RAB33A: variants seen among roughly 807,000 people sequenced by gnomAD.
RAB33A encodes the protein RAB33A, member RAS oncogene family.
A neutral mutation model predicts 12.0 loss-of-function variants in RAB33A; 6 were observed. The observed-to-expected ratio is 0.50, with a 90% CI of 0.27 to 0.99. The LOEUF (loss-of-function observed/expected upper bound fraction) is 0.99, where lower values mean the gene tolerates loss of function less well. Among genes scored for constraint, RAB33A ranks in the 50% least tolerant of loss-of-function variants. The probability of loss-of-function intolerance (pLI) is 0.11; values close to 1 mark genes in which losing one functional copy is unlikely to be tolerated. For missense variants in RAB33A, 109 were observed against 192.0 expected (o/e 0.57, Z 2.55); for synonymous variants, 70 against 82.4 (o/e 0.85, Z 0.81).
the RAB33A span, among the ~76,000 whole-genome samples, chrX:130,139,273 A>G: frequency 0.48 from 51,312 of 107,617 alleles, 9,675 homozygotes; most frequent in African/African-American, 0.65. Context: ...CGGAGGTTGC[A>G]GTGAGCCAAG....
chrX:130,132,778 GCT>G, the RAB33A span, among the ~76,000 whole-genome samples: 80 of 91,320 alleles, frequency 8.8e-4, no homozygotes, highest in Non-Finnish European at 1.3e-3. Context: ...ACGGAGTCTC[GCT>G]CTGTCACCCA....
chrX:130,157,964 A>G, the RAB33A span, among the ~76,000 whole-genome samples: 1 of 103,834 alleles, frequency 9.6e-6, no homozygotes, highest in Non-Finnish European at 2.0e-5. Context: ...AAAAAAAAAA[A>G]AAAAGAAAAG....
the RAB33A span, among the ~76,000 whole-genome samples, chrX:130,159,620 TTTC>T: frequency 1.8e-5 from 2 of 110,751 alleles, no homozygotes; most frequent in Non-Finnish European, 3.8e-5. Context: ...TGTTTTTGTT[TTTC>T]TTTTTTTTAA....
At chrX:130,125,427 A>C in the RAB33A span, among the ~76,000 whole-genome samples, 2 of 111,165 alleles carry the variant, frequency 1.8e-5, no homozygotes, top group African/African-American at 6.6e-5. Flanking sequence ...GCCCGCCAGG[A>C]ATTCCCTGAT....
the RAB33A span, among the ~76,000 whole-genome samples, chrX:130,142,922 C>T: frequency 8.9e-6 from 1 of 111,970 alleles, no homozygotes. Flanking sequence ...ATCTGAACCG[C>T]CAAATCTCAC....
the RAB33A span, chrX:130,137,354 A>G: frequency 8.6e-7 from 1 of 1,156,359 alleles, no homozygotes; most frequent in Non-Finnish European, 1.2e-6. Context: ...TCGGTGCTCA[A>G]GTTCATTTGT....
the RAB33A span, among the ~76,000 whole-genome samples, chrX:130,148,326 G>A: frequency 1.8e-5 from 2 of 111,244 alleles, no homozygotes; most frequent in South Asian, 7.6e-4. Context: ...GAATAAGGGG[G>A]TGCTTTTGAA....
At chrX:130,127,036 GGTGTGT>G in the RAB33A span, among the ~76,000 whole-genome samples, 5 of 106,016 alleles carry the variant, frequency 4.7e-5, no homozygotes, top group Non-Finnish European at 7.8e-5. Context: ...CAATAAACCA[GGTGTGT>G]GTGTGTGTGT....
the RAB33A span, among the ~76,000 whole-genome samples, chrX:130,117,087 T>A: frequency 2.1e-3 from 235 of 111,343 alleles, 1 homozygote; most frequent in Non-Finnish European, 3.3e-3. Context: ...GGTGGCGGGC[T>A]CCTGTAGTCC....
the RAB33A span, chrX:130,139,909 G>A: frequency 9.1e-7 from 1 of 1,103,723 alleles, no homozygotes; most frequent in East Asian, 3.0e-5. Flanking sequence ...AGCCCAACAA[G>A]CAGGAGCCAG....
chrX:130,149,046 C>T, the RAB33A span, among the ~76,000 whole-genome samples: 162 of 105,246 alleles, frequency 1.5e-3, no homozygotes, highest in African/African-American at 5.3e-3. Context: ...CTCAGCCTCC[C>T]GAGCACCAGG....
the RAB33A span, chrX:130,155,240 A>AGATGCTAGTGATCTAGAAGGG: frequency 1.7e-6 from 2 of 1,210,478 alleles, no homozygotes; most frequent in Non-Finnish European, 2.2e-6. Context: ...AAGCACCTGT[A>AGATGCTAGTGATCTAGAAGGG]GATGCTAGTG....
At chrX:130,121,495 C>T in the RAB33A span, among the ~76,000 whole-genome samples, 1,094 of 111,189 alleles carry the variant, frequency 9.8e-3, 10 homozygotes, top group Non-Finnish European at 0.017. Flanking sequence ...AGGTGATCCG[C>T]CCGCCTCAGC....
At chrX:130,116,970 T>G in the RAB33A span, among the ~76,000 whole-genome samples, 1 of 112,050 alleles carries the variant, frequency 8.9e-6, no homozygotes, top group Admixed American at 9.4e-5. Flanking sequence ...TCCCAGCACT[T>G]TGGGAGGCCA....
chrX:130,174,132 C>G (rs764449979), intron 1 of RAB33A, among the ~76,000 whole-genome samples: 1 of 112,306 alleles, frequency 8.9e-6, no homozygotes, highest in South Asian at 3.6e-4. Flanking sequence ...TCTAACACCC[C>G]AGTACTTAGC....
At chrX:130,120,884 G>C in the RAB33A span, among the ~76,000 whole-genome samples, 1 of 113,311 alleles carries the variant, frequency 8.8e-6, no homozygotes, top group Non-Finnish European at 1.9e-5. Context: ...ACCTGCACGC[G>C]GAACGCGGCG....
the RAB33A span, among the ~76,000 whole-genome samples, chrX:130,158,063 G>A: frequency 9.1e-6 from 1 of 110,102 alleles, no homozygotes; most frequent in Non-Finnish European, 1.9e-5. Context: ...GGGAGTTAGA[G>A]ACCAGCCTGA....
upstream of RAB33A, among the ~76,000 whole-genome samples, chrX:130,168,456 C>T (rs916872084): frequency 1.8e-5 from 2 of 111,409 alleles, no homozygotes; most frequent in African/African-American, 3.3e-5. Context: ...CTCAGGTGAT[C>T]GCCCGCCTCG....
At chrX:130,154,091 T>G in the RAB33A span, among the ~76,000 whole-genome samples, 1 of 112,591 alleles carries the variant, frequency 8.9e-6, no homozygotes, top group South Asian at 3.6e-4. Context: ...TCAATAACAG[T>G]TGTAGGTAGA....
Sources: allele counts gnomAD v4.1 joint callset (sites outside exome capture counted in the v4.1 genomes callset), GRCh38; gene constraint gnomAD v4.1.1; transcripts MANE v1.5; gene names NCBI Gene and HGNC (gene_info 2026-07-23, HGNC 2026-07-21).